Variants in CEP170 observed in about 807,000 individuals in gnomAD.
CEP170 encodes the protein centrosomal protein 170.
A neutral mutation model predicts 151.9 loss-of-function variants in CEP170; 21 were observed. The ratio of observed to expected loss-of-function variants is 0.14; its 90% confidence interval spans 0.10 to 0.20. CEP170 has a LOEUF of 0.20. CEP170 is among the 10% of genes least tolerant of loss of function. The pLI is 1.00. For synonymous variants in CEP170, 356 were observed against 648.8 expected (o/e 0.55, Z 6.86); for missense variants, 964 against 1,892.9 (o/e 0.51, Z 9.11).
chr1:243,193,740 C>A (rs1447662028), intron 7 of CEP170, among the ~76,000 whole-genome samples: 1 of 151,858 alleles, frequency 6.6e-6, no homozygotes, highest in Non-Finnish European at 1.5e-5. Flanking sequence ...ATGATCATAA[C>A]CAGGCAGCCT....
chr1:243,197,867 A>G (rs1009191489), intron 7 of CEP170, among the ~76,000 whole-genome samples: 2 of 152,190 alleles, frequency 1.3e-5, no homozygotes, highest in African/African-American at 4.8e-5. Flanking sequence ...GCATGAAGAA[A>G]ACTGCTGGTG....
At chr1:243,231,571 T>C (rs546789597) in intron 1 of CEP170, among the ~76,000 whole-genome samples, 2 of 152,220 alleles carry the variant, frequency 1.3e-5, no homozygotes, top group South Asian at 2.1e-4. Context: ...GGAATGGAGA[T>C]GTGCACAAGC....
At chr1:243,203,593 G>T (rs1420410090) in intron 4 of CEP170, among the ~76,000 whole-genome samples, 4 of 152,016 alleles carry the variant, frequency 2.6e-5, no homozygotes, top group Non-Finnish European at 5.9e-5. Flanking sequence ...CAAAAATCAT[G>T]TCAGATAATT....
At chr1:243,227,042 C>A (rs1316971523) in intron 1 of CEP170, among the ~76,000 whole-genome samples, 2 of 152,194 alleles carry the variant, frequency 1.3e-5, no homozygotes, top group Non-Finnish European at 2.9e-5. Flanking sequence ...TTTTGTAACA[C>A]CACGTATTGG....
chr1:243,178,724 C>CTT (rs1045037909), intron 10 of CEP170, among the ~76,000 whole-genome samples: 9 of 144,728 alleles, frequency 6.2e-5, no homozygotes, highest in African/African-American at 1.5e-4. Context: ...TCTTCTTCTT[C>CTT]TTTTTTTTTT....
At chr1:243,208,234 T>C (rs2061548316) in intron 4 of CEP170, among the ~76,000 whole-genome samples, 1 of 152,164 alleles carries the variant, frequency 6.6e-6, no homozygotes, top group African/African-American at 2.4e-5. Flanking sequence ...CCTTTACCGT[T>C]CACCTGAACT....
chr1:243,243,483 C>T (rs1194297415), intron 1 of CEP170, among the ~76,000 whole-genome samples: 1 of 151,080 alleles, frequency 6.6e-6, no homozygotes, highest in African/African-American at 2.4e-5. Context: ...AAACAAAATT[C>T]AACTTACCAT....
chr1:243,201,038 C>T (rs1458346506), intron 4 of CEP170, among the ~76,000 whole-genome samples: 2 of 151,918 alleles, frequency 1.3e-5, no homozygotes, highest in African/African-American at 4.8e-5. Context: ...TAAGATCCAG[C>T]AAGTTTTCTA....
At chr1:243,129,218 T>G (rs1004415011) in intron 18 of CEP170, 142 bp downstream of exon 18, 1 of 514,570 alleles carries the variant, frequency 1.9e-6, no homozygotes, top group African/African-American at 2.0e-5. Context: ...TGTGAGTCAG[T>G]AGAAGAAATA....
intron 1 of CEP170, among the ~76,000 whole-genome samples, chr1:243,248,754 T>C (rs1215826321): frequency 1.3e-5 from 2 of 152,212 alleles, no homozygotes; most frequent in African/African-American, 4.8e-5. Context: ...TTTAAAAATA[T>C]AACCCAATTT....
chr1:243,185,326 C>T lies in CEP170; in HGVS notation c.1566+453G>A, dbSNP rs1175326186. On this transcript the variant is annotated intron_variant, in intron 10 of 19. Transcript: ENST00000366542. This position sits in a 1 kb window ranked among gnomAD's most constrained non-coding sequence, Gnocchi z 4.9. ...ATTAAGAAAACATACGGACAAAGAA[C>T]AAAGCTAAAATAAGTATTTTCATCT... 1.3e-5 allele frequency among the ~76,000 whole-genome samples: 2 copies of T among 152,098 alleles called. No individual in the cohort carries two copies. Among genetic ancestry groups the T allele is most frequent in the Non-Finnish European group, 1.5e-5 (1 of 68,020 alleles).
Position 243,186,051 on chromosome 1 carries a change from C to G in CEP170, c.1294G>C (p.Gly432Arg), listed in dbSNP as rs2059917844. The G allele has an allele frequency of 4.3e-6, 7 of 1,613,778 alleles. No individual in the cohort carries two copies. The highest frequency in any genetic ancestry group is 5.1e-6 in the Non-Finnish European group (6 of 1,179,700). The change falls in exon 10 of 20, where the codon GGG (glycine) becomes CGG (arginine). Residue 432 changes from glycine to arginine, a missense_variant. Coordinates refer to ENST00000366542, the MANE Select transcript of CEP170 (RefSeq NM_014812.3). ...QAVTSSAHHRGGHGVPHGKLL... is the reference protein window; with the variant it reads ...QAVTSSAHHRRGHGVPHGKLL... ...TTCCCATGTGGAACACCATGCCCCC[C>G]TCTGTGATGCGCAGAGCTAGTCTGT...
chr1:243,165,561 T>C lies in CEP170; in HGVS notation c.2399A>G (p.Asp800Gly), dbSNP rs762001463. The C allele has an allele frequency of 6.2e-7, 1 of 1,613,872 alleles. No individual in the cohort carries two copies. Among genetic ancestry groups the C allele is most frequent in the South Asian group, 1.1e-5 (1 of 91,068 alleles). The change falls in exon 13 of 20, where the codon GAC becomes GGC. Residue 800 changes from aspartate to glycine, a missense_variant. Coordinates refer to ENST00000366542, the MANE Select transcript of CEP170 (RefSeq NM_014812.3). Reference sequence around the variant, plus strand: ...CTTGCTCTCACTTTGTGCCACTCTGTCTCCTTTGCTTGTAGAATGTCCTGA... The same window carrying C: ...CTTGCTCTCACTTTGTGCCACTCTGCCTCCTTTGCTTGTAGAATGTCCTGA... ...KNSGHSTSKG[D>G]RVAQSESKRR...
chr1:243,148,048 A>T (rs1188637995), intron 14 of CEP170, among the ~76,000 whole-genome samples: 1 of 151,706 alleles, frequency 6.6e-6, no homozygotes, highest in Non-Finnish European at 1.5e-5. Flanking sequence ...GCATGGTGGC[A>T]TGCGCCTGTA....
intron 13 of CEP170, among the ~76,000 whole-genome samples, chr1:243,160,581 T>A (rs967164162): frequency 1.3e-5 from 2 of 152,282 alleles, no homozygotes; most frequent in East Asian, 3.9e-4. Flanking sequence ...TTTGTTGGCA[T>A]TAAAACATAC....
At chr1:243,155,534 T>G (rs2057468428) in intron 14 of CEP170, among the ~76,000 whole-genome samples, 1 of 152,084 alleles carries the variant, frequency 6.6e-6, no homozygotes, top group South Asian at 2.1e-4. Context: ...CTCACAAACT[T>G]TAAACAAAAA....
chr1:243,146,028 G>GA (rs1018582529), intron 14 of CEP170, among the ~76,000 whole-genome samples: 1 of 151,698 alleles, frequency 6.6e-6, no homozygotes, highest in African/African-American at 2.4e-5. Flanking sequence ...AAAATATAAG[G>GA]AAAAAAAAGT....
At chr1:243,211,727 A>G in intron 4 of CEP170, 159 bp downstream of exon 4, 1 of 813,876 alleles carries the variant, frequency 1.2e-6, no homozygotes, top group Non-Finnish European at 1.9e-6. Flanking sequence ...AACAGGCATA[A>G]TAACTAAAAA....
chr1:243,200,986 G>A (rs2060991698), intron 4 of CEP170, among the ~76,000 whole-genome samples, 151 bp from the exon 5 acceptor site: 1 of 151,786 alleles, frequency 6.6e-6, no homozygotes, highest in South Asian at 2.1e-4. Context: ...TTAAAATATG[G>A]TCACCAATGT....
Sources: allele counts gnomAD v4.1 joint callset (sites outside exome capture counted in the v4.1 genomes callset), GRCh38; gene constraint gnomAD v4.1.1; non-coding constraint Gnocchi (gnomAD v3.1); transcripts MANE v1.5; gene names NCBI Gene and HGNC (gene_info 2026-07-23, HGNC 2026-07-21).